MPP7: variants seen among roughly 807,000 people sequenced by gnomAD.
MPP7 encodes the protein MAGUK p55 subfamily member 7.
In MPP7, 60 loss-of-function variants were observed where a neutral mutation model predicts 76.5. The observed-to-expected ratio is 0.78, with a 90% CI of 0.64 to 0.97. The LOEUF is 0.97. MPP7 is among the 50% of genes least tolerant of loss of function. The pLI is 0.00. For missense variants in MPP7, 641 were observed against 694.0 expected, an observed-to-expected ratio of 0.92 and a Z score of 0.86; for synonymous variants, 237 against 244.5, an observed-to-expected ratio of 0.97 and a Z score of 0.29.
chr10:28,310,576 A>G (rs1841284371), intron 2 of MPP7, among the ~76,000 whole-genome samples: 1 of 152,246 alleles, frequency 6.6e-6, no homozygotes, highest in Admixed American at 6.5e-5. Context: ...AGTTTCAAAC[A>G]TAAGAAAAAA....
rs193047777 is a variant in MPP7 at position 28,210,919 on chromosome 10, G to C, written c.38-8648C>G. Among the ~76,000 whole-genome samples the C allele has an allele frequency of 3.7e-3, 558 of 152,176 alleles. 4 individuals are homozygous for C. Among genetic ancestry groups the C allele is most frequent in the Non-Finnish European group, 6.1e-3 (412 of 68,004 alleles). On this transcript the variant is annotated intron_variant, in intron 2 of 16. Coordinates refer to ENST00000683449, the MANE Select transcript of MPP7 (RefSeq NM_001318170.2). Reference sequence around the variant, plus strand: ...TGATGGGATTTAAATGTGCTGTAGCGGGCTTCCCTCTATCCACACTATACT... The same window carrying C: ...TGATGGGATTTAAATGTGCTGTAGCCGGCTTCCCTCTATCCACACTATACT...
At chr10:28,260,475 C>T (rs770663029) in intron 1 of MPP7, among the ~76,000 whole-genome samples, 9 of 151,958 alleles carry the variant, frequency 5.9e-5, no homozygotes, top group Admixed American at 5.2e-4. Flanking sequence ...TATGTTCTAA[C>T]CAAATAGTAT....
chr10:28,130,169 TTAGA>T (rs1242379728), intron 6 of MPP7, among the ~76,000 whole-genome samples: 9 of 152,274 alleles, frequency 5.9e-5, no homozygotes, highest in Admixed American at 5.9e-4. Flanking sequence ...CTTTTAAATA[TTAGA>T]TAGAATATAT....
intron 3 of MPP7, among the ~76,000 whole-genome samples, chr10:28,181,298 C>A (rs1412467152): frequency 6.6e-6 from 1 of 152,160 alleles, no homozygotes; most frequent in Non-Finnish European, 1.5e-5. Context: ...TATTGTTAAA[C>A]CGTGATCATC....
In MPP7 at chr10:28,219,245, T is replaced by A. The variant is rs114451534; in HGVS notation, c.38-16974A>T. 5.7e-3 allele frequency among the ~76,000 whole-genome samples: 870 copies of A among 152,128 alleles called. 12 individuals are homozygous for A. Among genetic ancestry groups the A allele is most frequent in the African/African-American group, 0.02 (850 of 41,478 alleles). ...ATGACATATCTAAAATGGGAAAAAA[T>A]TTAAAAAATACAGAAGCACAAGAAG... On this transcript the variant is annotated intron_variant, in intron 2 of 16. Coordinates refer to ENST00000683449, the MANE Select transcript of MPP7 (RefSeq NM_001318170.2).
At chr10:28,195,390 A>G (rs578022160) in intron 3 of MPP7, among the ~76,000 whole-genome samples, 9 of 152,286 alleles carry the variant, frequency 5.9e-5, no homozygotes, top group African/African-American at 2.2e-4. Flanking sequence ...TCTCCTAGAT[A>G]CATACCCAGG....
chr10:28,099,202 T>A (rs1853703464), intron 11 of MPP7, among the ~76,000 whole-genome samples: 1 of 152,148 alleles, frequency 6.6e-6, no homozygotes, highest in Non-Finnish European at 1.5e-5. Flanking sequence ...CCACCCATAC[T>A]AACAGCCTCC....
chr10:28,162,569 G>T (rs1202590015), intron 3 of MPP7, among the ~76,000 whole-genome samples: 2 of 152,162 alleles, frequency 1.3e-5, no homozygotes, highest in African/African-American at 4.8e-5. Context: ...GAGAAGCAGA[G>T]GTTCAGAAAA....
At chr10:28,330,585 G>A (rs1279571981) in intron 1 of MPP7, among the ~76,000 whole-genome samples, 1 of 152,154 alleles carries the variant, frequency 6.6e-6, no homozygotes, top group African/African-American at 2.4e-5. Context: ...CTAGAACTCA[G>A]GAAGAAAGCC....
intron 1 of MPP7, among the ~76,000 whole-genome samples, chr10:28,283,096 TTGG>T (rs1393067654): frequency 6.6e-6 from 1 of 151,976 alleles, no homozygotes; most frequent in Non-Finnish European, 1.5e-5. Context: ...GAGGTGCACG[TTGG>T]TGGAGTAACT....
Position 28,125,106 on chromosome 10 carries a change from A to C in MPP7, c.448-15T>G, listed in dbSNP as rs748511077. Reference sequence around the variant, plus strand: ...ATGGTAGCTCCCTTTTAAGACAAAAACAAAAAGCATTTGTGGGTAAATGTG... The same window carrying C: ...ATGGTAGCTCCCTTTTAAGACAAAACCAAAAAGCATTTGTGGGTAAATGTG... On this transcript the variant is annotated splice_polypyrimidine_tract_variant and intron_variant, in intron 6 of 16. Coordinates refer to ENST00000683449, the MANE Select transcript of MPP7 (RefSeq NM_001318170.2). 1.2e-6 allele frequency: 2 copies of C among 1,610,478 alleles called. No individual in the cohort carries two copies. The highest frequency in any genetic ancestry group is 1.7e-6 in the Non-Finnish European group (2 of 1,176,704).
chr10:28,063,347 A>C (rs1418787085), intron 13 of MPP7, among the ~76,000 whole-genome samples: 1 of 151,604 alleles, frequency 6.6e-6, no homozygotes, highest in African/African-American at 2.4e-5. Context: ...CTGTAATCCC[A>C]CCTACTCGGG....
intron 2 of MPP7, chr10:28,237,017 G>A (rs929536560): frequency 2.6e-5 from 4 of 152,184 alleles, no homozygotes; most frequent in East Asian, 1.9e-4. Flanking sequence ...GCACTGCAGC[G>A]AGCTGGCTGT....
At chr10:28,065,063 G>C (rs1465125604) in intron 13 of MPP7, among the ~76,000 whole-genome samples, 2 of 152,200 alleles carry the variant, frequency 1.3e-5, no homozygotes, top group Non-Finnish European at 2.9e-5. Flanking sequence ...CTATTTGCTA[G>C]TGTGTTCCTT....
chr10:28,270,381 T>A (rs961603558), intron 1 of MPP7, among the ~76,000 whole-genome samples: 2 of 151,758 alleles, frequency 1.3e-5, no homozygotes, highest in Non-Finnish European at 2.9e-5. Flanking sequence ...AAACTATTGT[T>A]TTAATTGAAG....
intron 2 of MPP7, among the ~76,000 whole-genome samples, chr10:28,215,729 T>C (rs1045030979): frequency 2.0e-5 from 3 of 152,194 alleles, no homozygotes; most frequent in African/African-American, 7.2e-5. Context: ...TGTGTATCCA[T>C]TGTTTATTGT....
intron 2 of MPP7, among the ~76,000 whole-genome samples, chr10:28,227,149 G>A (rs1838720103): frequency 6.6e-6 from 1 of 152,204 alleles, no homozygotes; most frequent in South Asian, 2.1e-4. Context: ...AAGGACAAGA[G>A]TAAGTGTACT....
At chr10:28,145,191 G>A (rs1835665610) in intron 5 of MPP7, among the ~76,000 whole-genome samples, 1 of 152,132 alleles carries the variant, frequency 6.6e-6, no homozygotes, top group South Asian at 2.1e-4. Flanking sequence ...GGGATTACAG[G>A]CTTGAGCCAC....
intron 12 of MPP7, among the ~76,000 whole-genome samples, chr10:28,077,477 C>CT (rs1852550194): frequency 1.3e-5 from 2 of 152,202 alleles, no homozygotes; most frequent in African/African-American, 4.8e-5. Flanking sequence ...GCCATCCCCA[C>CT]TGGAGAAGTT....
Sources: gnomAD v4.1 joint callset for allele counts (sites outside exome capture counted in the v4.1 genomes callset) on GRCh38, gnomAD v4.1.1 for gene constraint, MANE v1.5 for transcripts, NCBI Gene and HGNC (gene_info 2026-07-23, HGNC 2026-07-21) for gene names.